Variants in NAP1L4 observed in about 807,000 individuals in gnomAD.
NAP1L4 encodes the protein nucleosome assembly protein 1 like 4.
NAP1L4 carries 15 observed loss-of-function variants against 58.2 expected under a neutral mutation model. That is an observed-to-expected ratio of 0.26 (90% CI 0.17 to 0.40). NAP1L4 has a LOEUF of 0.40. Ranked by LOEUF, NAP1L4 falls within the 10% of genes least tolerant of loss-of-function variation. NAP1L4 has a pLI of 1.00. For synonymous variants in NAP1L4, 171 were observed against 155.6 expected, an observed-to-expected ratio of 1.10 and a Z score of -0.74; for missense variants, 384 against 451.1, an observed-to-expected ratio of 0.85 and a Z score of 1.35.
chr11:2,978,484 G>C lies in NAP1L4; in HGVS notation c.15-142C>G. 6.1e-6 allele frequency: 4 copies of C among 661,076 alleles called. No homozygotes were observed. In the South Asian group the frequency reaches 7.6e-5, roughly 13 times the overall value. The allele number at this position is 661,076 out of a possible 1,614,324, so 41.0% of individuals were successfully genotyped here. On this transcript the variant is annotated intron_variant, in intron 2 of 15. Coordinates refer to ENST00000380542, the MANE Select transcript of NAP1L4 (RefSeq NM_005969.4). ...TTGGGCAGAAGAAAACTACCAATGT[G>C]CATGTTATCTCAGAGGCTGTCCTCT...
At chr11:2,965,866 C>T (rs919497926) in intron 7 of NAP1L4, among the ~76,000 whole-genome samples, 6 of 152,196 alleles carry the variant, frequency 3.9e-5, no homozygotes, top group Non-Finnish European at 7.3e-5. Flanking sequence ...TTACACAGAG[C>T]GTGTCTGAGA....
intron 1 of NAP1L4, among the ~76,000 whole-genome samples, chr11:2,984,086 G>A (rs1848481380): frequency 6.7e-6 from 1 of 149,448 alleles, no homozygotes; most frequent in Non-Finnish European, 1.5e-5. Context: ...TCAAGCCCAG[G>A]AGTTGGAGGC....
rs1421356044 is a variant in NAP1L4 at position 2,955,135 on chromosome 11, C to A, written c.916-489G>T. ...GCAGTGGTGCAATCACAGCTCACTCCAGCCTCAAGCTCCTGGGCCCCAGCG... is the reference window on the plus strand; with the variant it reads ...GCAGTGGTGCAATCACAGCTCACTCAAGCCTCAAGCTCCTGGGCCCCAGCG... On this transcript the variant is annotated intron_variant, in intron 11 of 15. Coordinates refer to ENST00000380542, the MANE Select transcript of NAP1L4 (RefSeq NM_005969.4). The surrounding 1 kb of genome is among the most constrained non-coding windows in gnomAD (Gnocchi z 4.2). 6.6e-6 allele frequency among the ~76,000 whole-genome samples: 1 copy of A among 152,054 alleles called. No individual in the cohort carries two copies. Among genetic ancestry groups the A allele is most frequent in the Non-Finnish European group, 1.5e-5 (1 of 68,026 alleles).
rs1352656858 is a variant in NAP1L4, at chr11:2,955,338, A to G, written c.915+406T>C. ...GAGCCTCCTGAGTAGCTGAGATTACAGGCGCTGCCACCGTGTCCAACTAAT... is the reference window on the plus strand; with the variant it reads ...GAGCCTCCTGAGTAGCTGAGATTACGGGCGCTGCCACCGTGTCCAACTAAT... On this transcript the variant is annotated intron_variant, in intron 11 of 15. Coordinates refer to ENST00000380542, the MANE Select transcript of NAP1L4 (RefSeq NM_005969.4). The surrounding 1 kb of genome is among the most constrained non-coding windows in gnomAD (Gnocchi z 4.2). 6.6e-6 allele frequency among the ~76,000 whole-genome samples: 1 copy of G among 151,924 alleles called. No individual in the cohort carries two copies. Among genetic ancestry groups the G allele is most frequent in the East Asian group, 1.9e-4 (1 of 5,194 alleles).
chr11:2,987,164 A>G (rs1195512960), intron 1 of NAP1L4, among the ~76,000 whole-genome samples: 1 of 152,060 alleles, frequency 6.6e-6, no homozygotes. Context: ...TGGTGATTAT[A>G]CGAAGCCCTG....
chr11:2,989,491 C>T (rs1848829339), intron 1 of NAP1L4, among the ~76,000 whole-genome samples: 1 of 152,160 alleles, frequency 6.6e-6, no homozygotes, highest in African/African-American at 2.4e-5. Context: ...AAAATATAGG[C>T]TCTTTGGCAA....
intron 4 of NAP1L4, among the ~76,000 whole-genome samples, chr11:2,973,528 A>T (rs765151142): frequency 2.0e-5 from 3 of 152,134 alleles, no homozygotes; most frequent in Non-Finnish European, 2.9e-5. Context: ...TCACACACAC[A>T]TATCACTGGT....
chr11:2,984,843 G>C (rs948502841), intron 1 of NAP1L4, among the ~76,000 whole-genome samples: 3 of 151,388 alleles, frequency 2.0e-5, no homozygotes, highest in African/African-American at 4.9e-5. Flanking sequence ...CATGCATATA[G>C]ACTACATCTA....
intron 1 of NAP1L4, among the ~76,000 whole-genome samples, chr11:2,985,805 CT>C (rs1321487593): frequency 6.6e-6 from 1 of 152,182 alleles, no homozygotes; most frequent in East Asian, 1.9e-4. Flanking sequence ...AGGTCAAAAA[CT>C]TTAACTGTGT....
chr11:2,969,412 A>G (rs548180091), intron 7 of NAP1L4, among the ~76,000 whole-genome samples: 1 of 152,230 alleles, frequency 6.6e-6, no homozygotes, highest in African/African-American at 2.4e-5. Context: ...TTCAAAATTC[A>G]TTCTGCTCTG....
At chr11:2,969,253 A>C (rs960073876) in intron 7 of NAP1L4, among the ~76,000 whole-genome samples, 2 of 152,140 alleles carry the variant, frequency 1.3e-5, no homozygotes, top group Non-Finnish European at 2.9e-5. Context: ...CTGGGACTAC[A>C]GACATGAGCC....
intron 8 of NAP1L4, chr11:2,960,134 T>TC (rs1399629405): frequency 1.3e-5 from 6 of 474,776 alleles, no homozygotes; most frequent in African/African-American, 1.2e-4. Flanking sequence ...AGGGGCATGT[T>TC]CCCCCTCCAA....
intron 3 of NAP1L4, among the ~76,000 whole-genome samples, chr11:2,978,070 T>C (rs983213173): frequency 6.6e-6 from 1 of 152,202 alleles, no homozygotes; most frequent in Non-Finnish European, 1.5e-5. Flanking sequence ...TACAAGAAGG[T>C]AGACTGTACT....
intron 2 of NAP1L4, 80 bp downstream of exon 2, chr11:2,979,127 A>T: frequency 2.1e-6 from 3 of 1,399,036 alleles, no homozygotes; most frequent in Non-Finnish European, 3.0e-6. Flanking sequence ...TTTGATTCTA[A>T]TTATTTATTG....
chr11:2,946,428 CCAA>C lies in NAP1L4; in HGVS notation c.*33-785_*33-783del, dbSNP rs1351285203. Among the ~76,000 whole-genome samples, 1 of 152,176 alleles carries C rather than the reference CCAA, an allele frequency of 6.6e-6. No homozygotes were observed. Among genetic ancestry groups the C allele is most frequent in the Non-Finnish European group, 1.5e-5 (1 of 68,038 alleles). On this transcript the variant is annotated intron_variant, in intron 15 of 15. Transcript: ENST00000380542. The surrounding 1 kb of genome is among the most constrained non-coding windows in gnomAD (Gnocchi z 4.8). ...GCAACTCCATGAATTTGTGTGGAGG[CCAA>C]CAATAGCCTAAGAAATACATCACGA...
chr11:2,972,928 G>A (rs1030199794), intron 4 of NAP1L4, among the ~76,000 whole-genome samples: 11 of 152,084 alleles, frequency 7.2e-5, no homozygotes, highest in East Asian at 1.9e-4. Context: ...CTATGATTGC[G>A]CTACTGCACT....
chr11:2,972,100 A>AC lies in NAP1L4; in HGVS notation c.315+1dup. 6.4e-7 allele frequency: 1 copy of AC among 1,557,898 alleles called. No homozygotes were observed. The highest frequency in any genetic ancestry group is 8.6e-7 in the Non-Finnish European group (1 of 1,160,448). ...GTATATTAAATTAACAGAGCTCCCTACCTTGTCAAAGAGAGGCTGGTATAG... is the reference window on the plus strand; with the variant it reads ...GTATATTAAATTAACAGAGCTCCCTACCCTTGTCAAAGAGAGGCTGGTATAG... On this transcript the variant is annotated splice_donor_variant, in intron 5 of 15. Coordinates refer to ENST00000380542, the MANE Select transcript of NAP1L4 (RefSeq NM_005969.4). LOFTEE classifies it high-confidence loss of function.
intron 1 of NAP1L4, 39 bp downstream of exon 1, chr11:2,992,215 C>T (rs1849020614): frequency 1.3e-5 from 2 of 152,398 alleles, no homozygotes; most frequent in Admixed American, 1.3e-4. Context: ...CCGCCCTCCC[C>T]AGCGCGCCGT....
chr11:2,987,777 A>G (rs998963220), intron 1 of NAP1L4, among the ~76,000 whole-genome samples: 4 of 144,382 alleles, frequency 2.8e-5, no homozygotes, highest in African/African-American at 1.0e-4. Flanking sequence ...AAAAAAAAAA[A>G]GCAATGAATA....
Sources: gnomAD v4.1 joint callset for allele counts (sites outside exome capture counted in the v4.1 genomes callset) on GRCh38, gnomAD v4.1.1 for gene constraint, Gnocchi (gnomAD v3.1) non-coding constraint, MANE v1.5 for transcripts, NCBI Gene and HGNC (gene_info 2026-07-23, HGNC 2026-07-21) for gene names.